TRIP12: variants seen among roughly 807,000 people sequenced by gnomAD.
The protein encoded by TRIP12 is thyroid hormone receptor interactor 12.
TRIP12 carries 25 observed loss-of-function variants against 244.2 expected under a neutral mutation model. The observed-to-expected ratio is 0.10, with a 90% CI of 0.07 to 0.14. The LOEUF is 0.14. Ranked by LOEUF, TRIP12 falls within the 10% of genes least tolerant of loss-of-function variation. The pLI, the probability that TRIP12 is intolerant of heterozygous loss-of-function variation, is 1.00. For missense variants in TRIP12, 1,677 were observed against 2,486.4 expected (o/e 0.67, Z 6.92); for synonymous variants, 905 against 873.1 (o/e 1.04, Z -0.64).
chr2:229,890,221 A>G (rs900685913), intron 1 of TRIP12, among the ~76,000 whole-genome samples: 1 of 151,936 alleles, frequency 6.6e-6, no homozygotes, highest in African/African-American at 2.4e-5. Context: ...CTGGGACTAC[A>G]GGCACGCACC....
At position 229,813,864 on chromosome 2, in the gene TRIP12, T is replaced by A. The variant is rs956511277; in HGVS notation, c.1986+6A>T. 27 of 1,495,758 alleles carry A rather than the reference T, an allele frequency of 1.8e-5. No homozygotes were observed. Among genetic ancestry groups the A allele is most frequent in the Non-Finnish European group, 2.2e-5 (24 of 1,102,974 alleles). The allele number at this position is 1,495,758 out of a possible 1,614,324, so 92.7% of individuals were successfully genotyped here. A position where few individuals can be genotyped will look rare whatever the true frequency, so the allele number is the denominator to read the frequency against. On this transcript the variant is annotated splice_donor_region_variant and intron_variant, in intron 13 of 41. Coordinates refer to ENST00000675903, the MANE Select transcript of TRIP12 (RefSeq NM_001348323.3). Reference sequence around the variant, plus strand: ...TTATGGCACATAAAATAGATGCATATTTTACCTGATGTGTTAGCCTTTGGG... The same window carrying A: ...TTATGGCACATAAAATAGATGCATAATTTACCTGATGTGTTAGCCTTTGGG...
chr2:229,904,385 T>A (rs920022582), intron 1 of TRIP12, among the ~76,000 whole-genome samples: 4 of 118,898 alleles, frequency 3.4e-5, no homozygotes, highest in Non-Finnish European at 6.3e-5. Flanking sequence ...GCCACTGCAC[T>A]CCAGCCTGGG....
intron 1 of TRIP12, among the ~76,000 whole-genome samples, chr2:229,919,367 A>AC (rs2076079447): frequency 6.6e-6 from 1 of 151,822 alleles, no homozygotes; most frequent in Non-Finnish European, 1.5e-5. Flanking sequence ...TTAAGCCTAC[A>AC]CTGCACCACT....
At chr2:229,821,915 G>C (rs1346755878) in intron 8 of TRIP12, among the ~76,000 whole-genome samples, 1 of 152,112 alleles carries the variant, frequency 6.6e-6, no homozygotes, top group Non-Finnish European at 1.5e-5. Flanking sequence ...CAAGATGGGC[G>C]GATCACCTGA....
rs2054255679 is a variant in TRIP12, at chr2:229,834,497, C to T, written c.1270+2351G>A. ...ATAGCAGACCAGGTGCAGAGGCTCA[C>T]GCCTGTAATCCCAGCACTTTGGGAG... On this transcript the variant is annotated intron_variant, in intron 6 of 41. Coordinates refer to ENST00000675903, the MANE Select transcript of TRIP12 (RefSeq NM_001348323.3). Among the ~76,000 whole-genome samples the T allele has an allele frequency of 2.0e-5, 3 of 152,202 alleles. No homozygotes were observed. The South Asian group carries it at 6.2e-4, about 31-fold the overall frequency.
chr2:229,805,249 A>AACAACAACAACAACAAC (rs1559522902), intron 18 of TRIP12, among the ~76,000 whole-genome samples: 3 of 17,538 alleles, frequency 1.7e-4, no homozygotes, highest in Non-Finnish European at 4.5e-4. Context: ...ACAACAACAA[A>AACAACAACAACAACAAC]AATATTTGCA....
At chr2:229,789,932 T>C (rs1253792463) in intron 30 of TRIP12, among the ~76,000 whole-genome samples, 170 bp from the exon 31 acceptor site, 3 of 152,240 alleles carry the variant, frequency 2.0e-5, no homozygotes, top group Non-Finnish European at 2.9e-5. Flanking sequence ...TTATCTTATA[T>C]ATAAAGTGCC....
Position 229,814,269 on chromosome 2 carries a change from C to T in TRIP12, c.1788G>A (p.Met596Ile). ...VAEQALTALE[M>I]LSRRHSKAIL... ...TGGCTTTACTATGTCTCCGTGACAACATCTCCAAGGCAGTCAAGGCCTGCT... is the reference window on the plus strand; with the variant it reads ...TGGCTTTACTATGTCTCCGTGACAATATCTCCAAGGCAGTCAAGGCCTGCT... The change falls in exon 12 of 42, where the codon ATG (methionine) becomes ATA (isoleucine). Residue 596 changes from methionine to isoleucine, a missense_variant. Physicochemically the swap from Met to Ile is conservative, Grantham distance 10. Around this residue, in one of 11 missense-constraint regions of TRIP12, gnomAD observed 572 missense variants for 867.8 expected, o/e 0.66. Coordinates refer to ENST00000675903, the MANE Select transcript of TRIP12 (RefSeq NM_001348323.3). 6.2e-7 allele frequency: 1 copy of T among 1,614,166 alleles called. No homozygotes were observed. Among genetic ancestry groups the T allele is most frequent in the Non-Finnish European group, 8.5e-7 (1 of 1,180,008 alleles).
intron 22 of TRIP12, 46 bp from the exon 23 acceptor site, chr2:229,799,095 T>A (rs766255555): frequency 6.2e-7 from 1 of 1,600,866 alleles, no homozygotes; most frequent in South Asian, 1.1e-5. Context: ...TTAGTTTAAG[T>A]GATGAAAAAC....
intron 6 of TRIP12, among the ~76,000 whole-genome samples, chr2:229,831,986 G>C (rs990554712): frequency 6.7e-6 from 1 of 150,318 alleles, no homozygotes; most frequent in Non-Finnish European, 1.5e-5. Context: ...ATGCAAGCCA[G>C]GAAGAATATT....
At chr2:229,884,889 A>C (rs1373613254) in intron 1 of TRIP12, among the ~76,000 whole-genome samples, 1 of 152,154 alleles carries the variant, frequency 6.6e-6, no homozygotes, top group African/African-American at 2.4e-5. Flanking sequence ...AAGATTACTT[A>C]AGCCTGGGAG....
At chr2:229,795,064 C>T (rs1247755129) in intron 26 of TRIP12, 115 bp downstream of exon 26, 1 of 1,239,790 alleles carries the variant, frequency 8.1e-7, no homozygotes, top group Non-Finnish European at 1.1e-6. Context: ...TTCATCATTA[C>T]AGCTGAATGT....
intron 34 of TRIP12, among the ~76,000 whole-genome samples, chr2:229,782,045 G>C (rs1281073213): frequency 6.6e-6 from 1 of 152,166 alleles, no homozygotes; most frequent in Non-Finnish European, 1.5e-5. Flanking sequence ...AGGGATGAGA[G>C]AGGAAAGATA....
chr2:229,807,693 C>G lies in TRIP12; in HGVS notation c.2496+15G>C. On this transcript the variant is annotated intron_variant, in intron 17 of 41. Coordinates refer to ENST00000675903, the MANE Select transcript of TRIP12 (RefSeq NM_001348323.3). ...ACAAAATAGACACATTTAAACGGTA[C>G]GATGAAACTACTACCTCAATGATCC... The G allele has an allele frequency of 6.2e-7, 1 of 1,614,058 alleles. No individual in the cohort carries two copies. The highest frequency in any genetic ancestry group is 1.7e-5 in the Admixed American group (1 of 60,008).
chr2:229,810,339 A>G (rs1005967702), intron 15 of TRIP12, among the ~76,000 whole-genome samples: 1 of 152,202 alleles, frequency 6.6e-6, no homozygotes, highest in Admixed American at 6.5e-5. Flanking sequence ...TTTCCCACAC[A>G]CTGTGTAAAG....
intron 23 of TRIP12, 128 bp downstream of exon 23, chr2:229,798,747 T>G: frequency 9.6e-7 from 1 of 1,037,456 alleles, no homozygotes; most frequent in Non-Finnish European, 1.4e-6. Context: ...TCTTGAACTA[T>G]GCTTTTAAGA....
chr2:229,786,564 A>ATTTTTTT (rs34969936), intron 33 of TRIP12, among the ~76,000 whole-genome samples: 5 of 78,022 alleles, frequency 6.4e-5, no homozygotes, highest in African/African-American at 1.6e-4. Flanking sequence ...CGCCCAGATA[A>ATTTTTTT]TTTTTTTTTT....
chr2:229,848,815 T>C (rs1170480023), intron 4 of TRIP12, among the ~76,000 whole-genome samples: 1 of 152,224 alleles, frequency 6.6e-6, no homozygotes, highest in Non-Finnish European at 1.5e-5. Context: ...TATATAATTC[T>C]TGAAAATTCT....
intron 2 of TRIP12, among the ~76,000 whole-genome samples, chr2:229,870,504 A>T (rs1388897999): frequency 6.6e-6 from 1 of 152,240 alleles, no homozygotes; most frequent in African/African-American, 2.4e-5. Flanking sequence ...TGGGATCTGT[A>T]TAAGATTTCT....
Sources: allele counts gnomAD v4.1 joint callset (sites outside exome capture counted in the v4.1 genomes callset), GRCh38; gene constraint gnomAD v4.1.1; regional missense constraint gnomAD v4.1.1; transcripts MANE v1.5; gene names NCBI Gene and HGNC (gene_info 2026-07-23, HGNC 2026-07-21).